The following PRKCI variants were observed in gnomAD, a reference collection of about 807,000 sequenced individuals.
The protein encoded by PRKCI is protein kinase C iota type.
A neutral mutation model predicts 84.0 loss-of-function variants in PRKCI; 43 were observed. The observed-to-expected ratio is 0.51, with a 90% CI of 0.40 to 0.66. The LOEUF (loss-of-function observed/expected upper bound fraction) is 0.66, where lower values mean the gene tolerates loss of function less well. Ranked by LOEUF, PRKCI falls within the 30% of genes least tolerant of loss-of-function variation. The pLI is 0.00. For missense variants in PRKCI, 459 were observed against 745.6 expected (o/e 0.62, Z 4.48); for synonymous variants, 216 against 234.4 (o/e 0.92, Z 0.72).
intron 14 of PRKCI, among the ~76,000 whole-genome samples, chr3:170,295,105 A>G (rs1032594922): frequency 4.6e-4 from 70 of 152,160 alleles, no homozygotes; most frequent in Middle Eastern, 6.8e-3. Flanking sequence ...CTAACTACTC[A>G]GGAGGCTCAG....
At chr3:170,222,852 G>C in intron 1 of PRKCI, 82 bp downstream of exon 1, 1 of 795,758 alleles carries the variant, frequency 1.3e-6, no homozygotes, top group Non-Finnish European at 1.9e-6. Flanking sequence ...GTGAGGGGCT[G>C]GAGGTGTTGT....
At chr3:170,232,991 A>G (rs1043112926) in intron 1 of PRKCI, among the ~76,000 whole-genome samples, 3 of 152,050 alleles carry the variant, frequency 2.0e-5, no homozygotes, top group Non-Finnish European at 2.9e-5. Flanking sequence ...TAAAAGGTGG[A>G]AATTGCTTTA....
chr3:170,281,206 A>G lies in PRKCI; in HGVS notation c.923A>G (p.Gln308Arg), dbSNP rs778855961. Residue 308 changes from glutamine to arginine, a missense_variant, in exon 10 of 18, where the codon CAG (glutamine) becomes CGG (arginine). Gln to Arg is a conservative substitution (Grantham distance 43). Around this residue, in one of 2 missense-constraint regions of PRKCI, gnomAD observed 209 missense variants for 425.9 expected, o/e 0.49. Coordinates refer to ENST00000295797, the MANE Select transcript of PRKCI (RefSeq NM_002740.6). ...WVQTEKHVFE[Q>R]ASNHPFLVGL... ...CAGACAGAGAAGCATGTGTTTGAGCAGGCATCCAATCATCCTTTCCTTGTT... is the reference window on the plus strand; with the variant it reads ...CAGACAGAGAAGCATGTGTTTGAGCGGGCATCCAATCATCCTTTCCTTGTT... 6.2e-7 allele frequency: 1 copy of G among 1,613,712 alleles called. No homozygotes were observed. Among genetic ancestry groups the G allele is most frequent in the Admixed American group, 1.7e-5 (1 of 60,018 alleles).
chr3:170,266,070 A>G (rs894976884), intron 4 of PRKCI, among the ~76,000 whole-genome samples: 1 of 152,156 alleles, frequency 6.6e-6, no homozygotes, highest in African/African-American at 2.4e-5. Flanking sequence ...TTTCTATGGT[A>G]TTAACTATTA....
At chr3:170,226,905 A>G (rs769565411) in intron 1 of PRKCI, among the ~76,000 whole-genome samples, 32 of 152,198 alleles carry the variant, frequency 2.1e-4, no homozygotes, top group Non-Finnish European at 3.4e-4. Context: ...GCCTGGTGCC[A>G]AAAAACCCAA....
At chr3:170,273,383 A>G (rs1401883391) in intron 7 of PRKCI, 43 bp downstream of exon 7, 1 of 1,576,522 alleles carries the variant, frequency 6.3e-7, no homozygotes, top group Middle Eastern at 1.7e-4. Flanking sequence ...TTCACAGAGT[A>G]GCATGTAAAG....
chr3:170,241,712 T>G (rs1032241477), intron 2 of PRKCI, among the ~76,000 whole-genome samples: 1 of 152,134 alleles, frequency 6.6e-6, no homozygotes, highest in East Asian at 1.9e-4. Flanking sequence ...ACTCTGTTAC[T>G]CAGGCTGGAG....
intron 12 of PRKCI, 126 bp from the exon 13 acceptor site, chr3:170,291,728 A>G: frequency 1.5e-6 from 1 of 686,760 alleles, no homozygotes; most frequent in African/African-American, 1.8e-5. Context: ...CAATTGTTCT[A>G]GTGATGTTAA....
intron 2 of PRKCI, among the ~76,000 whole-genome samples, chr3:170,258,965 A>T (rs1420990439): frequency 1.3e-5 from 2 of 152,132 alleles, no homozygotes; most frequent in Non-Finnish European, 2.9e-5. Flanking sequence ...CCCATTAGAC[A>T]CATAGCAGTG....
At chr3:170,290,863 C>T (rs1334217831) in intron 12 of PRKCI, among the ~76,000 whole-genome samples, 1 of 152,082 alleles carries the variant, frequency 6.6e-6, no homozygotes, top group African/African-American at 2.4e-5. Flanking sequence ...ACAGGCCCGG[C>T]ATGGTGGCTT....
intron 1 of PRKCI, among the ~76,000 whole-genome samples, chr3:170,230,556 G>A (rs1264019038): frequency 1.3e-5 from 2 of 152,158 alleles, no homozygotes; most frequent in African/African-American, 2.4e-5. Flanking sequence ...TCCCAAACTC[G>A]TGACCTCAAG....
At chr3:170,247,730 CAAAAAAAAAAAAAAA>C (rs72411481) in intron 2 of PRKCI, among the ~76,000 whole-genome samples, 7 of 27,896 alleles carry the variant, frequency 2.5e-4, no homozygotes, top group South Asian at 3.9e-3. Context: ...AACTCTGTCT[CAAAAAAAAAAAAAAA>C]AAAAAAAAAA....
At chr3:170,236,154 T>C (rs893004927) in intron 2 of PRKCI, among the ~76,000 whole-genome samples, 10 of 150,172 alleles carry the variant, frequency 6.7e-5, no homozygotes, top group African/African-American at 2.5e-4. Flanking sequence ...CAGGCTGGAG[T>C]GTAGTGGCAT....
intron 8 of PRKCI, among the ~76,000 whole-genome samples, chr3:170,277,509 C>T (rs909957797): frequency 2.0e-5 from 3 of 151,952 alleles, no homozygotes; most frequent in Admixed American, 6.6e-5. Context: ...TCAAGAGCAG[C>T]CTAGGCAACA....
chr3:170,284,737 A>T (rs1248335469), intron 12 of PRKCI, 141 bp downstream of exon 12: 2 of 1,068,192 alleles, frequency 1.9e-6, no homozygotes, highest in Non-Finnish European at 2.6e-6. Flanking sequence ...CACAAAGACA[A>T]ATGTACTTTT....
chr3:170,242,551 TTTATAATGTTAAAACATTATAATG>T (rs1379862209), intron 2 of PRKCI, among the ~76,000 whole-genome samples: 2 of 152,192 alleles, frequency 1.3e-5, no homozygotes, highest in Admixed American at 6.5e-5. Flanking sequence ...ATAGTTTTCC[TTTATAATGTTAAAACATTATAATG>T]TTATAATGTA....
At chr3:170,301,158 A>G (rs1734809450) in intron 17 of PRKCI, among the ~76,000 whole-genome samples, 1 of 152,176 alleles carries the variant, frequency 6.6e-6, no homozygotes, top group African/African-American at 2.4e-5. Context: ...ACTAGAGGAG[A>G]AAGATGTGTA....
chr3:170,230,338 G>A (rs1354572772), intron 1 of PRKCI, among the ~76,000 whole-genome samples: 1 of 151,366 alleles, frequency 6.6e-6, no homozygotes, highest in Non-Finnish European at 1.5e-5. Context: ...GCTAATTTTT[G>A]TTTGTTTTTT....
chr3:170,291,148 AG>A (rs894418078), intron 12 of PRKCI, among the ~76,000 whole-genome samples: 24 of 145,634 alleles, frequency 1.6e-4, no homozygotes, highest in African/African-American at 6.1e-4. Context: ...AAAAAAAAAA[AG>A]TGTTCTTAGG....
Sources: allele counts gnomAD v4.1 joint callset (sites outside exome capture counted in the v4.1 genomes callset), GRCh38; gene constraint gnomAD v4.1.1; regional missense constraint gnomAD v4.1.1; transcripts MANE v1.5; gene names NCBI Gene and HGNC (gene_info 2026-07-23, HGNC 2026-07-21).